The following NUDT6 variants were observed in gnomAD, a reference collection of about 807,000 sequenced individuals.
NUDT6 encodes the protein FAD diphosphatase NUDT6.
In NUDT6, 24 loss-of-function variants were observed where a neutral mutation model predicts 36.8. The observed-to-expected ratio is 0.65, with a 90% CI of 0.47 to 0.92. The LOEUF is 0.92. Ranked by LOEUF, NUDT6 falls within the 40% of genes least tolerant of loss-of-function variation. The pLI, the probability that NUDT6 is intolerant of heterozygous loss-of-function variation, is 0.00. For missense variants in NUDT6, 388 were observed against 392.8 expected, an observed-to-expected ratio of 0.99 and a Z score of 0.10; for synonymous variants, 163 against 157.0, an observed-to-expected ratio of 1.04 and a Z score of -0.29.
At chr4:122,922,686 G>T (rs1455679629), upstream of NUDT6, 9 of 909,266 alleles carry the variant, frequency 9.9e-6, no homozygotes, top group South Asian at 5.1e-5. Context: ...TTGAGCTGGG[G>T]TTACCACTCT....
chr4:122,922,403 G>C lies in NUDT6; in HGVS notation c.170C>G (p.Ser57Trp). Residue 57 changes from serine to tryptophan, a missense_variant, in exon 1 of 5, where the codon TCG becomes TGG. Physicochemically the swap from Ser to Trp is radical, Grantham distance 177. Transcript: ENST00000304430. The stretch of plus-strand genomic sequence containing the variant: ...CGCATCGAGCCGCGCCAGGCGCACC[G>C]AGATGCCCCCGAATCTGTCCAGCTC... ...QGELDRFGGISVRLARLDALD... is the reference protein window; with the variant it reads ...QGELDRFGGIWVRLARLDALD... 6.2e-7 allele frequency: 1 copy of C among 1,610,386 alleles called. No individual in the cohort carries two copies. The highest frequency in any genetic ancestry group is 8.5e-7 in the Non-Finnish European group (1 of 1,179,832).
At position 122,912,549 on chromosome 4, in the gene NUDT6, T is replaced by G; in HGVS notation, c.498+19A>C. ...AAATAAACATTTAGGAAGCAATTTA[T>G]AAAACAGAAGCAGCTTACTTTATTT... is the stretch of plus-strand genomic sequence containing the variant. On this transcript the variant is annotated intron_variant, in intron 3 of 4. Coordinates refer to ENST00000304430, the MANE Select transcript of NUDT6 (RefSeq NM_007083.5). The G allele has an allele frequency of 6.4e-7, 1 of 1,556,012 alleles. No individual in the cohort carries two copies. Among genetic ancestry groups the G allele is most frequent in the Non-Finnish European group, 8.9e-7 (1 of 1,129,590 alleles).
At chr4:122,904,275 T>C (rs1727576799) in intron 3 of NUDT6, among the ~76,000 whole-genome samples, 1 of 152,108 alleles carries the variant, frequency 6.6e-6, no homozygotes, top group Non-Finnish European at 1.5e-5. Context: ...TACCCCTGTA[T>C]CCCCTTTTAT....
intron 3 of NUDT6, chr4:122,897,909 G>A (rs1423189185): frequency 6.0e-6 from 3 of 496,920 alleles, no homozygotes; most frequent in Non-Finnish European, 1.1e-5. Flanking sequence ...AAATATAAGT[G>A]GTTTTGTTTG....
At chr4:122,902,443 T>C (rs1326094386) in intron 3 of NUDT6, among the ~76,000 whole-genome samples, 2 of 152,194 alleles carry the variant, frequency 1.3e-5, no homozygotes, top group African/African-American at 4.8e-5. Context: ...ACTCCATATG[T>C]GGAAACTATA....
upstream of NUDT6, chr4:122,922,853 C>A (rs1450271168): frequency 3.6e-6 from 2 of 558,072 alleles, no homozygotes; most frequent in African/African-American, 3.8e-5. Context: ...GATGGGGAAG[C>A]CGGGAGGAGA....
At chr4:122,922,158 T>G in intron 1 of NUDT6, 177 bp downstream of exon 1, 1 of 473,546 alleles carries the variant, frequency 2.1e-6, no homozygotes, top group Non-Finnish European at 3.6e-6. Flanking sequence ...CTTAGAGACC[T>G]CCCAGCAAAA....
At chr4:122,918,489 C>T (rs1465041874) in intron 1 of NUDT6, 1 of 152,184 alleles carries the variant, frequency 6.6e-6, no homozygotes, top group Non-Finnish European at 1.5e-5. Flanking sequence ...ATAAATACTT[C>T]AGATTTAGAG....
chr4:122,900,325 TTA>T (rs1727494911), intron 3 of NUDT6, among the ~76,000 whole-genome samples: 1 of 148,284 alleles, frequency 6.7e-6, no homozygotes, highest in African/African-American at 2.6e-5. Flanking sequence ...TGTATAAGAA[TTA>T]TGCACATTTA....
At chr4:122,895,587 G>A (rs1054167739) in intron 4 of NUDT6, 1 of 152,120 alleles carries the variant, frequency 6.6e-6, no homozygotes, top group African/African-American at 2.4e-5. Context: ...CCTGCCAGTG[G>A]TAATACGATT....
At chr4:122,915,005 T>A (rs2150808664) in intron 2 of NUDT6, among the ~76,000 whole-genome samples, 1 of 152,142 alleles carries the variant, frequency 6.6e-6, no homozygotes, top group East Asian at 1.9e-4. Flanking sequence ...CAGGGAGAAG[T>A]CACTTCTAAC....
rs1042136066 is a variant in NUDT6, at chr4:122,908,442, A to G, written c.498+4126T>C. On this transcript the variant is annotated intron_variant, in intron 3 of 4. Coordinates refer to ENST00000304430, the MANE Select transcript of NUDT6 (RefSeq NM_007083.5). ...TCCTTAATCAATTGTAAATTAGAGA[A>G]TCTGTGAATCTACCTATAGCCAGTA... 2.6e-5 allele frequency among the ~76,000 whole-genome samples: 4 copies of G among 152,376 alleles called. No individual in the cohort carries two copies. In the South Asian group the frequency reaches 8.3e-4, roughly 32 times the overall value.
At chr4:122,901,465 A>G (rs537386053) in intron 3 of NUDT6, among the ~76,000 whole-genome samples, 36 of 152,204 alleles carry the variant, frequency 2.4e-4, no homozygotes, top group Admixed American at 4.6e-4. Context: ...TGTGTGTAGC[A>G]GTAAATGGAA....
intron 3 of NUDT6, chr4:122,898,071 C>T: frequency 6.0e-6 from 1 of 166,102 alleles, no homozygotes; most frequent in Non-Finnish European, 1.3e-5. Context: ...TAAATTTCAT[C>T]ACTAAAATAT....
intron 4 of NUDT6, 36 bp downstream of exon 4, chr4:122,897,588 A>G: frequency 7.0e-7 from 1 of 1,435,142 alleles, no homozygotes; most frequent in Non-Finnish European, 9.8e-7. Context: ...TTTCCTCAAC[A>G]TTTTTAAGCC....
At position 122,922,552 on chromosome 4, in the gene NUDT6, C is replaced by A; in HGVS notation, c.21G>T (p.Trp7Cys). The A allele has an allele frequency of 6.2e-7, 1 of 1,601,220 alleles. No individual in the cohort carries two copies. Among genetic ancestry groups the A allele is most frequent in the South Asian group, 1.1e-5 (1 of 90,782 alleles). Residue 7 changes from tryptophan (W) to cysteine (C), a missense_variant, in exon 1 of 5, where the codon TGG becomes TGT. By Grantham distance (215) the Trp-to-Cys change is radical. Coordinates refer to ENST00000304430, the MANE Select transcript of NUDT6 (RefSeq NM_007083.5). MRQPLS[W>C]GRWRAMLART... Reference sequence around the variant, plus strand: ...GGGCAAGCATCGCGCGCCAGCGGCCCCAGCTCAGTGGCTGCCGCATCTCCA... The same window carrying A: ...GGGCAAGCATCGCGCGCCAGCGGCCACAGCTCAGTGGCTGCCGCATCTCCA...
intron 3 of NUDT6, among the ~76,000 whole-genome samples, chr4:122,902,394 A>G (rs1044639327): frequency 6.6e-6 from 1 of 152,176 alleles, no homozygotes. Context: ...TGTATCTTAC[A>G]CATTTGAATG....
rs73844963 is a variant in NUDT6 at position 122,906,412 on chromosome 4, G to C, written c.498+6156C>G. On this transcript the variant is annotated intron_variant, in intron 3 of 4. Coordinates refer to ENST00000304430, the MANE Select transcript of NUDT6 (RefSeq NM_007083.5). ...GGCTACCAAACGACTCAATACTTCT[G>C]TTTCCATCTGTACCTCATTCCTTTC... Among the ~76,000 whole-genome samples, 798 of 152,204 alleles carry C rather than the reference G, an allele frequency of 5.2e-3. 7 individuals are homozygous for C. The highest frequency in any genetic ancestry group is 0.018 in the African/African-American group (733 of 41,520).
At chr4:122,896,975 G>A (rs373076210) in intron 4 of NUDT6, 167 of 152,060 alleles carry the variant, frequency 1.1e-3, no homozygotes, top group African/African-American at 3.9e-3. Flanking sequence ...TCTATTTTTC[G>A]ATTTCCTGTA....
Sources: gnomAD v4.1 joint callset for allele counts (sites outside exome capture counted in the v4.1 genomes callset) on GRCh38, gnomAD v4.1.1 for gene constraint, MANE v1.5 for transcripts, NCBI Gene and HGNC (gene_info 2026-07-23, HGNC 2026-07-21) for gene names.